The following PDE4D variants were observed in gnomAD, a reference collection of about 807,000 sequenced individuals.
The protein encoded by PDE4D is phosphodiesterase 4D.
A neutral mutation model predicts 87.4 loss-of-function variants in PDE4D; 24 were observed. That is an observed-to-expected ratio of 0.27 (90% CI 0.20 to 0.39). PDE4D has a LOEUF of 0.39. Ranked by LOEUF, PDE4D falls within the 10% of genes least tolerant of loss-of-function variation. The pLI is 1.00. For missense variants in PDE4D, 714 were observed against 1,041.0 expected (o/e 0.69, Z 4.32); for synonymous variants, 384 against 383.2 (o/e 1.00, Z -0.02).
At chr5:59,701,101 T>C (rs72751223) in intron 1 of PDE4D, among the ~76,000 whole-genome samples, 27,965 of 151,932 alleles carry the variant, frequency 0.18, 3,113 homozygotes, top group South Asian at 0.26. Context: ...TACTAAATCA[T>C]CCCTTCATCA....
At chr5:59,169,071 G>T (rs899138351) in intron 5 of PDE4D, among the ~76,000 whole-genome samples, 4 of 151,952 alleles carry the variant, frequency 2.6e-5, no homozygotes, top group Non-Finnish European at 5.9e-5. Context: ...TTTTGAGAGA[G>T]GCTTTTTGAT....
chr5:59,741,217 G>A (rs957199193), intron 1 of PDE4D, among the ~76,000 whole-genome samples: 4 of 152,090 alleles, frequency 2.6e-5, no homozygotes, highest in Admixed American at 6.6e-5. Flanking sequence ...TGTGACCTTG[G>A]ACACTTTTCT....
At chr5:59,360,453 C>T (rs906782546) in intron 1 of PDE4D, among the ~76,000 whole-genome samples, 11 of 152,092 alleles carry the variant, frequency 7.2e-5, no homozygotes, top group Admixed American at 5.2e-4. Flanking sequence ...CTGTTATTTA[C>T]CATCTACTTC....
intron 1 of PDE4D, among the ~76,000 whole-genome samples, chr5:59,659,301 A>G (rs1018304522): frequency 1.3e-5 from 2 of 152,256 alleles, no homozygotes; most frequent in Non-Finnish European, 2.9e-5. Flanking sequence ...GAATTTTGAA[A>G]AGAAAAATAA....
At chr5:59,999,397 C>T (rs1763813988) in intron 2 of PDE4D, among the ~76,000 whole-genome samples, 1 of 151,902 alleles carries the variant, frequency 6.6e-6, no homozygotes, top group Non-Finnish European at 1.5e-5. Flanking sequence ...ATTGCAATGC[C>T]ACAGAACCTG....
At chr5:59,227,304 A>G (rs562041525) in intron 1 of PDE4D, among the ~76,000 whole-genome samples, 1 of 152,302 alleles carries the variant, frequency 6.6e-6, no homozygotes, top group Non-Finnish European at 1.5e-5. Context: ...TAACCAAATA[A>G]ATACCACTTT....
intron 5 of PDE4D, among the ~76,000 whole-genome samples, chr5:59,133,871 A>G (rs1776636584): frequency 6.6e-6 from 1 of 152,140 alleles, no homozygotes; most frequent in Admixed American, 6.5e-5. Flanking sequence ...AACTTTGACC[A>G]ATGAGAGACA....
chr5:59,596,327 C>A (rs541510022), intron 1 of PDE4D, among the ~76,000 whole-genome samples: 7 of 148,750 alleles, frequency 4.7e-5, no homozygotes, highest in African/African-American at 1.7e-4. Flanking sequence ...AAGTTCAACA[C>A]GAGAAATACA....
At chr5:60,422,484 A>T (rs1357994455) in intron 1 of PDE4D, among the ~76,000 whole-genome samples, 1 of 152,246 alleles carries the variant, frequency 6.6e-6, no homozygotes, top group East Asian at 1.9e-4. Flanking sequence ...CTTTACAGAC[A>T]AGCAAATGCT....
chr5:60,302,771 G>C (rs1754027781), intron 1 of PDE4D, among the ~76,000 whole-genome samples: 1 of 152,066 alleles, frequency 6.6e-6, no homozygotes, highest in Non-Finnish European at 1.5e-5. Flanking sequence ...TTGTTAATTT[G>C]AAATCTTTCC....
intron 1 of PDE4D, among the ~76,000 whole-genome samples, chr5:59,812,427 C>A (rs1275390855): frequency 6.6e-6 from 1 of 152,120 alleles, no homozygotes; most frequent in Non-Finnish European, 1.5e-5. Context: ...AATCCCAGCA[C>A]TTTGGGAGGC....
At chr5:59,306,470 G>A (rs187315471) in intron 1 of PDE4D, among the ~76,000 whole-genome samples, 43 of 151,958 alleles carry the variant, frequency 2.8e-4, no homozygotes, top group Middle Eastern at 3.4e-3. Flanking sequence ...TTTTGTTTTC[G>A]CTTTTTAGCT....
chr5:59,015,686 G>C (rs1010245637), intron 6 of PDE4D, among the ~76,000 whole-genome samples: 46 of 152,258 alleles, frequency 3.0e-4, no homozygotes, highest in African/African-American at 9.6e-4. Context: ...GGACTGTAAA[G>C]TAGTTCAACC....
chr5:59,654,222 G>A (rs1743996727), intron 1 of PDE4D, among the ~76,000 whole-genome samples: 1 of 152,054 alleles, frequency 6.6e-6, no homozygotes, highest in Admixed American at 6.6e-5. Context: ...TAAATAAAAT[G>A]GGAAGAGGAA....
chr5:59,618,221 A>G (rs996532479), intron 1 of PDE4D, among the ~76,000 whole-genome samples: 2 of 152,174 alleles, frequency 1.3e-5, no homozygotes, highest in African/African-American at 2.4e-5. Flanking sequence ...TCTTAAGCCC[A>G]TTCTACAGGT....
At chr5:60,132,811 C>A (rs192580588) in intron 2 of PDE4D, among the ~76,000 whole-genome samples, 1 of 151,822 alleles carries the variant, frequency 6.6e-6, no homozygotes, top group African/African-American at 2.4e-5. Flanking sequence ...GAGCCGAGAT[C>A]GCACCACTGC....
chr5:59,065,773 C>A (rs956731735), intron 5 of PDE4D, among the ~76,000 whole-genome samples: 1 of 152,112 alleles, frequency 6.6e-6, no homozygotes, highest in South Asian at 2.1e-4. Flanking sequence ...TCATTCACAT[C>A]GGCATTTGGA....
At chr5:59,175,806 T>A (rs1216131108) in intron 5 of PDE4D, among the ~76,000 whole-genome samples, 4 of 87,922 alleles carry the variant, frequency 4.5e-5, no homozygotes, top group South Asian at 7.9e-4. Flanking sequence ...TTTTTTTTTT[T>A]ACTTTAGGAG....
At chr5:60,261,867 A>T (rs933249650) in intron 1 of PDE4D, among the ~76,000 whole-genome samples, 1 of 152,092 alleles carries the variant, frequency 6.6e-6, no homozygotes, top group African/African-American at 2.4e-5. Flanking sequence ...ATTTCCTTGA[A>T]CATCCCCCAA....
Sources: gnomAD v4.1 joint callset for allele counts (sites outside exome capture counted in the v4.1 genomes callset) on GRCh38, gnomAD v4.1.1 for gene constraint, MANE v1.5 for transcripts, NCBI Gene and HGNC (gene_info 2026-07-23, HGNC 2026-07-21) for gene names.